The following MYH10 variants were observed in gnomAD, a reference collection of about 807,000 sequenced individuals.
MYH10 encodes the protein myosin heavy chain 10, also known as myosin-10.
Under a neutral mutation model 257.8 loss-of-function variants are expected in MYH10, and 55 were observed. The observed-to-expected ratio is 0.21, with a 90% CI of 0.17 to 0.27. MYH10 has a LOEUF of 0.27. MYH10 is among the 10% of genes least tolerant of loss of function. The probability of loss-of-function intolerance (pLI) is 1.00; values close to 1 mark genes in which losing one functional copy is unlikely to be tolerated. For missense variants in MYH10, 1,631 were observed against 2,500.6 expected, an observed-to-expected ratio of 0.65 and a Z score of 7.42; for synonymous variants, 854 against 921.7, an observed-to-expected ratio of 0.93 and a Z score of 1.33.
intron 24 of MYH10, among the ~76,000 whole-genome samples, chr17:8,510,679 C>A (rs1279570345): frequency 6.6e-6 from 1 of 152,114 alleles, no homozygotes; most frequent in African/African-American, 2.4e-5. Flanking sequence ...TGTAGTAGCA[C>A]TCATCAAATG....
At position 8,478,888 on chromosome 17, in the gene MYH10, C is replaced by T. The variant is rs201313760; in HGVS notation, c.5598-442G>A. 8.5e-5 allele frequency among the ~76,000 whole-genome samples: 13 copies of T among 152,166 alleles called. 1 individual carries two copies. In the East Asian group the frequency reaches 1.2e-3, roughly 14 times the overall value. ...TGGGATTACAAGGCATGCACCACCACGCTGGGCTAATTTGTGTATTTTTAG... is the reference window on the plus strand; with the variant it reads ...TGGGATTACAAGGCATGCACCACCATGCTGGGCTAATTTGTGTATTTTTAG... On this transcript the variant is annotated intron_variant, in intron 40 of 42. Coordinates refer to ENST00000360416, the MANE Select transcript of MYH10 (RefSeq NM_001256012.3).
intron 36 of MYH10, among the ~76,000 whole-genome samples, chr17:8,484,912 A>ATCTTGCCACT (rs1914499233): frequency 6.6e-6 from 1 of 152,222 alleles, no homozygotes; most frequent in Non-Finnish European, 1.5e-5. Context: ...AGGATGTCTG[A>ATCTTGCCACT]TCTTGCCACT....
chr17:8,549,824 C>T (rs1325373969), intron 9 of MYH10, among the ~76,000 whole-genome samples: 1 of 151,400 alleles, frequency 6.6e-6, no homozygotes, highest in South Asian at 2.1e-4. Context: ...TCAGCCTGCC[C>T]AGTGCCTGCG....
intron 17 of MYH10, among the ~76,000 whole-genome samples, chr17:8,521,749 TTC>T (rs1259047175): frequency 6.6e-6 from 1 of 152,232 alleles, no homozygotes; most frequent in African/African-American, 2.4e-5. Flanking sequence ...GGGACCAGAA[TTC>T]TCTCTTATTA....
chr17:8,562,614 A>G (rs547080415), intron 7 of MYH10, among the ~76,000 whole-genome samples: 215 of 152,344 alleles, frequency 1.4e-3, no homozygotes, highest in Non-Finnish European at 2.7e-3. Flanking sequence ...CTTCACCAGT[A>G]AAAACAAAAG....
intron 7 of MYH10, among the ~76,000 whole-genome samples, chr17:8,564,440 G>A (rs563573036): frequency 2.0e-5 from 3 of 152,330 alleles, no homozygotes; most frequent in Admixed American, 6.5e-5. Flanking sequence ...TGCCCACGGA[G>A]CAACTGCCTC....
intron 33 of MYH10, 77 bp from the exon 34 acceptor site, chr17:8,492,586 T>A (rs1169755325): frequency 9.1e-6 from 13 of 1,430,494 alleles, no homozygotes; most frequent in Non-Finnish European, 1.2e-5. Context: ...TGTGGCTGAT[T>A]TATCGCTAGA....
intron 36 of MYH10, among the ~76,000 whole-genome samples, chr17:8,486,276 G>A (rs1567778060): frequency 6.6e-6 from 1 of 152,242 alleles, no homozygotes; most frequent in East Asian, 1.9e-4. Context: ...ATAAGCCTAT[G>A]AATAACTAAA....
rs1555578930 is a variant in MYH10, at chr17:8,511,031, T to TATATAC, written c.2953-1083_2953-1082insGTATAT. The TATATAC allele has an allele frequency of 7.5e-3, 38 of 5,088 alleles. 1 individual carries two copies. The highest frequency in any genetic ancestry group is 0.065 in the Admixed American group (15 of 232). 0.3% of individuals were successfully genotyped at this position (5,088 alleles called of 1,614,324 possible). Reference sequence around the variant, plus strand: ...CATGTACCCCATATATATATATATATATATATATATATATATATATATATA... The same window carrying TATATAC: ...CATGTACCCCATATATATATATATATATATACATATATATATATATATATATATATA... On this transcript the variant is annotated intron_variant, in intron 24 of 42. Transcript: ENST00000360416.
Position 8,490,361 on chromosome 17 carries a change from C to T in MYH10, c.4863G>A (p.Lys1621=), listed in dbSNP as rs1308612062. The T allele has an allele frequency of 6.2e-7, 1 of 1,614,020 alleles. No homozygotes were observed. The highest frequency in any genetic ancestry group is 2.2e-5 in the East Asian group (1 of 44,884). ...CTACCTGTTTGATCAGCAGCCGCTT[C>T]TTCTCTTCATTCTGCTCATCCCTGG... The part of the protein sequence containing the change: ...LQTRDEQNEE[K]KRLLIKQVRE... Residue 1621 remains lysine (K), a synonymous_variant, in exon 35 of 43, where the codon AAG becomes AAA. Transcript: ENST00000360416. The surrounding 1 kb of genome is among the most constrained non-coding windows in gnomAD (Gnocchi z 4.1).
chr17:8,605,552 T>C (rs1347438427), intron 2 of MYH10, among the ~76,000 whole-genome samples: 1 of 152,072 alleles, frequency 6.6e-6, no homozygotes, highest in Non-Finnish European at 1.5e-5. Context: ...AAGACTAGCC[T>C]GGCCAAGATG....
intron 2 of MYH10, among the ~76,000 whole-genome samples, chr17:8,607,632 C>T (rs1272397987): frequency 6.6e-6 from 1 of 152,190 alleles, no homozygotes; most frequent in Non-Finnish European, 1.5e-5. Context: ...CCAGTTCTGT[C>T]TTCCCCCAGA....
At chr17:8,617,335 C>CTGAGT (rs1294709728) in intron 2 of MYH10, among the ~76,000 whole-genome samples, 3 of 152,156 alleles carry the variant, frequency 2.0e-5, no homozygotes, top group Admixed American at 2.0e-4. Flanking sequence ...AGGTACCTCT[C>CTGAGT]TGAGTTGAGG....
intron 42 of MYH10, among the ~76,000 whole-genome samples, chr17:8,476,312 C>T (rs1912599600): frequency 6.6e-6 from 1 of 152,200 alleles, no homozygotes; most frequent in African/African-American, 2.4e-5. Flanking sequence ...TTTGTTTCGG[C>T]GTTTTTATAA....
intron 3 of MYH10, among the ~76,000 whole-genome samples, chr17:8,604,033 A>G (rs765673312): frequency 1.3e-5 from 2 of 152,200 alleles, no homozygotes; most frequent in Non-Finnish European, 2.9e-5. Flanking sequence ...ATGACCTGCA[A>G]TTTGATGAAA....
In MYH10 at chr17:8,545,376, C is replaced by G. The variant is rs550819236; in HGVS notation, c.1431+72G>C. The G allele has an allele frequency of 1.7e-5, 26 of 1,553,352 alleles. No homozygotes were observed. The East Asian group carries it at 5.2e-4, about 31-fold the overall frequency. ...TGGTGCCTCGTATGTACTGGGCACA[C>G]AGTAAGCCTTCATATTTGTTAAAAG... On this transcript the variant is annotated intron_variant, in intron 13 of 42. Transcript: ENST00000360416. The surrounding 1 kb of genome is among the most constrained non-coding windows in gnomAD (Gnocchi z 4.7).
chr17:8,580,816 G>A (rs1567933967), intron 4 of MYH10, among the ~76,000 whole-genome samples: 1 of 152,118 alleles, frequency 6.6e-6, no homozygotes, highest in Non-Finnish European at 1.5e-5. Flanking sequence ...CCATGTCCTT[G>A]TGGGGTGCAA....
intron 28 of MYH10, among the ~76,000 whole-genome samples, chr17:8,502,480 T>TTGTGTGTGTGTGTGTGTGTGTGTG (rs55865122): frequency 2.0e-5 from 3 of 150,140 alleles, no homozygotes; most frequent in Non-Finnish European, 4.4e-5. Context: ...GGGAAAATAG[T>TTGTGTGTGTGTGTGTGTGTGTGTG]TGTGTGTGTG....
chr17:8,531,671 G>A (rs985987985), intron 16 of MYH10, among the ~76,000 whole-genome samples: 8 of 151,556 alleles, frequency 5.3e-5, no homozygotes, highest in Non-Finnish European at 7.4e-5. Context: ...GATTACAGGC[G>A]TGAGCCACCG....
Sources: gnomAD v4.1 joint callset for allele counts (sites outside exome capture counted in the v4.1 genomes callset) on GRCh38, gnomAD v4.1.1 for gene constraint, Gnocchi (gnomAD v3.1) non-coding constraint, MANE v1.5 for transcripts, NCBI Gene and HGNC (gene_info 2026-07-23, HGNC 2026-07-21) for gene names.